Variants in NKAIN2 observed in about 807,000 individuals in gnomAD.
NKAIN2 encodes the protein sodium/potassium-transporting ATPase subunit beta-1-interacting protein 2.
NKAIN2 carries 14 observed loss-of-function variants against 32.6 expected under a neutral mutation model. The observed-to-expected ratio is 0.43, with a 90% CI of 0.28 to 0.67. The LOEUF is 0.67. Ranked by LOEUF, NKAIN2 falls within the 30% of genes least tolerant of loss-of-function variation. NKAIN2 has a pLI of 0.17. For missense variants in NKAIN2, 198 were observed against 258.3 expected, an observed-to-expected ratio of 0.77 and a Z score of 1.60; for synonymous variants, 80 against 87.2, an observed-to-expected ratio of 0.92 and a Z score of 0.46.
intron 1 of NKAIN2, among the ~76,000 whole-genome samples, chr6:124,075,541 C>T (rs1040947277): frequency 2.0e-5 from 3 of 152,104 alleles, no homozygotes; most frequent in African/African-American, 7.2e-5. Flanking sequence ...TTCTAAGGCT[C>T]AATGATATGT....
intron 1 of NKAIN2, among the ~76,000 whole-genome samples, chr6:124,006,316 G>C (rs1780072421): frequency 6.6e-6 from 1 of 152,174 alleles, no homozygotes; most frequent in Non-Finnish European, 1.5e-5. Context: ...CAGCATTTGT[G>C]AGAGATAAAA....
At chr6:124,453,510 GA>G (rs1286725351) in intron 3 of NKAIN2, among the ~76,000 whole-genome samples, 2 of 151,354 alleles carry the variant, frequency 1.3e-5, no homozygotes, top group South Asian at 2.1e-4. Flanking sequence ...TGTAGAGGAT[GA>G]AAAAAAAGTG....
At chr6:124,550,415 ATT>A (rs1254460355) in intron 3 of NKAIN2, among the ~76,000 whole-genome samples, 2 of 151,302 alleles carry the variant, frequency 1.3e-5, no homozygotes, top group Non-Finnish European at 2.9e-5. Context: ...ATGTGTATAC[ATT>A]TCCTTACTTT....
chr6:123,843,763 G>A (rs970048048), intron 1 of NKAIN2, among the ~76,000 whole-genome samples: 3 of 152,104 alleles, frequency 2.0e-5, no homozygotes, highest in Admixed American at 6.6e-5. Context: ...CTTCTGACGG[G>A]TGGTGGCGAC....
At chr6:124,346,342 T>C (rs147763872) in intron 2 of NKAIN2, among the ~76,000 whole-genome samples, 2,595 of 152,292 alleles carry the variant, frequency 0.017, 77 homozygotes, top group East Asian at 0.11. Flanking sequence ...TGTAGATGTC[T>C]ATTAGGTCCG....
chr6:123,900,157 T>C (rs906071658), intron 1 of NKAIN2, among the ~76,000 whole-genome samples: 2 of 152,126 alleles, frequency 1.3e-5, no homozygotes, highest in African/African-American at 4.8e-5. Flanking sequence ...TTTTTTCATA[T>C]ACCTTCCAAT....
intron 1 of NKAIN2, among the ~76,000 whole-genome samples, chr6:124,041,571 A>G (rs1328474263): frequency 6.6e-6 from 1 of 152,078 alleles, no homozygotes; most frequent in Non-Finnish European, 1.5e-5. Context: ...TATTACAATC[A>G]GAGGTCGAAA....
chr6:123,823,984 T>C (rs1774032513), intron 1 of NKAIN2, among the ~76,000 whole-genome samples: 1 of 152,178 alleles, frequency 6.6e-6, no homozygotes, highest in African/African-American at 2.4e-5. Flanking sequence ...TAAAAAATAC[T>C]GAGCTGGGAA....
chr6:124,342,336 G>A (rs2115087390), intron 2 of NKAIN2, among the ~76,000 whole-genome samples: 1 of 150,732 alleles, frequency 6.6e-6, no homozygotes, highest in South Asian at 2.1e-4. Context: ...GTGAACCTGG[G>A]AGGCAGAGCT....
intron 1 of NKAIN2, among the ~76,000 whole-genome samples, chr6:123,932,350 G>C (rs235696): frequency 0.39 from 57,564 of 149,416 alleles, 11,949 homozygotes; most frequent in African/African-American, 0.54. Flanking sequence ...CAATGACTCT[G>C]TTCCATTTAC....
chr6:123,946,569 G>T (rs971266961), intron 1 of NKAIN2, among the ~76,000 whole-genome samples: 32 of 152,116 alleles, frequency 2.1e-4, no homozygotes, highest in Admixed American at 5.9e-4. Context: ...AGATTATGTT[G>T]GATGATTATA....
chr6:124,577,727 G>C (rs559417841), intron 3 of NKAIN2, among the ~76,000 whole-genome samples: 24 of 152,236 alleles, frequency 1.6e-4, no homozygotes, highest in Admixed American at 1.4e-3. Flanking sequence ...AATAGCTGGG[G>C]CAGCCAAGGG....
At chr6:124,125,967 T>C (rs947975638) in intron 1 of NKAIN2, among the ~76,000 whole-genome samples, 19 of 152,148 alleles carry the variant, frequency 1.2e-4, no homozygotes, top group African/African-American at 4.1e-4. Flanking sequence ...TCTTGGCTCA[T>C]CATCACCCTC....
chr6:124,187,755 A>C (rs970643713), intron 1 of NKAIN2, among the ~76,000 whole-genome samples: 2 of 152,208 alleles, frequency 1.3e-5, no homozygotes, highest in Admixed American at 1.3e-4. Context: ...CTCTATTTTC[A>C]AGTTCAGTTT....
intron 2 of NKAIN2, among the ~76,000 whole-genome samples, chr6:124,353,735 A>G (rs1381409938): frequency 6.6e-6 from 1 of 150,808 alleles, no homozygotes; most frequent in Admixed American, 6.7e-5. Context: ...AGCCTGGGCG[A>G]CAGAGCGAGA....
chr6:123,921,967 G>C (rs762309168), intron 1 of NKAIN2, among the ~76,000 whole-genome samples: 2 of 151,654 alleles, frequency 1.3e-5, no homozygotes, highest in Admixed American at 6.6e-5. Flanking sequence ...ATGAACTTTA[G>C]AGAGTGATAA....
chr6:124,572,533 C>A (rs1781165892), intron 3 of NKAIN2, among the ~76,000 whole-genome samples: 1 of 152,152 alleles, frequency 6.6e-6, no homozygotes, highest in Non-Finnish European at 1.5e-5. Flanking sequence ...ATACTGATTT[C>A]TTTTGCAACG....
intron 2 of NKAIN2, among the ~76,000 whole-genome samples, chr6:124,333,434 G>A (rs1202586282): frequency 6.6e-6 from 1 of 151,420 alleles, no homozygotes; most frequent in African/African-American, 2.4e-5. Flanking sequence ...CCAAAGCGGG[G>A]GGATCACCTG....
At chr6:124,666,155 A>AAGAT (rs1227526526) in intron 4 of NKAIN2, among the ~76,000 whole-genome samples, 15 of 152,202 alleles carry the variant, frequency 9.9e-5, no homozygotes, top group African/African-American at 3.6e-4. Flanking sequence ...TGCTTGTCAA[A>AAGAT]AGATAGTAAT....
Sources: gnomAD v4.1 joint callset for allele counts (sites outside exome capture counted in the v4.1 genomes callset) on GRCh38, gnomAD v4.1.1 for gene constraint, MANE v1.5 for transcripts, NCBI Gene and HGNC (gene_info 2026-07-23, HGNC 2026-07-21) for gene names.